The following CNIH3 variants were observed in gnomAD, a reference collection of about 807,000 sequenced individuals.
The protein encoded by CNIH3 is cornichon family AMPA receptor auxiliary protein 3.
In CNIH3, 14 loss-of-function variants were observed where a neutral mutation model predicts 24.1. That is an observed-to-expected ratio of 0.58 (90% CI 0.38 to 0.91). The LOEUF is 0.91. Among genes scored for constraint, CNIH3 ranks in the 40% least tolerant of loss-of-function variants. CNIH3 has a pLI of 0.00. For missense variants in CNIH3, 178 were observed against 196.8 expected, an observed-to-expected ratio of 0.90 and a Z score of 0.57; for synonymous variants, 68 against 73.8, an observed-to-expected ratio of 0.92 and a Z score of 0.40.
chr1:224,537,770 C>T (rs894537932), downstream of CNIH3, among the ~76,000 whole-genome samples: 59 of 152,144 alleles, frequency 3.9e-4, no homozygotes, highest in African/African-American at 1.4e-3. Flanking sequence ...ATTATAAGAA[C>T]AATAACAGCC....
intron 2 of CNIH3, among the ~76,000 whole-genome samples, chr1:224,522,262 C>T (rs1333440497): frequency 6.6e-6 from 1 of 152,104 alleles, no homozygotes; most frequent in East Asian, 1.9e-4. Flanking sequence ...CTTTTGGTAA[C>T]TGAGAGCCAG....
At chr1:224,685,561 C>A (rs1686616180) in intron 3 of CNIH3, among the ~76,000 whole-genome samples, 1 of 152,178 alleles carries the variant, frequency 6.6e-6, no homozygotes, top group Admixed American at 6.5e-5. Context: ...AAAGGACATC[C>A]CTAACCTCTG....
chr1:224,479,103 A>C (rs1267400833), intron 1 of CNIH3, among the ~76,000 whole-genome samples: 2 of 146,122 alleles, frequency 1.4e-5, no homozygotes, highest in Non-Finnish European at 3.0e-5. Context: ...ATGTTTTCAC[A>C]TTCCCAAACC....
intron 3 of CNIH3, among the ~76,000 whole-genome samples, chr1:224,690,767 G>A (rs538220088): frequency 1.3e-5 from 2 of 152,288 alleles, no homozygotes; most frequent in African/African-American, 4.8e-5. Context: ...GGAGGAGAAG[G>A]GTGTGTGGGT....
chr1:224,487,064 C>A (rs1309225814), intron 1 of CNIH3, among the ~76,000 whole-genome samples: 1 of 152,184 alleles, frequency 6.6e-6, no homozygotes, highest in East Asian at 1.9e-4. Context: ...AATCTAATTT[C>A]TGCTTATATC....
intron 1 of CNIH3, among the ~76,000 whole-genome samples, chr1:224,477,610 C>T (rs987585915): frequency 6.6e-6 from 1 of 152,150 alleles, no homozygotes; most frequent in East Asian, 1.9e-4. Context: ...TTTTATTATA[C>T]TGTCTATGTC....
At chr1:224,581,359 C>G (rs139749792) in intron 4 of CNIH3, among the ~76,000 whole-genome samples, 1 of 152,096 alleles carries the variant, frequency 6.6e-6, no homozygotes, top group Non-Finnish European at 1.5e-5. Flanking sequence ...GGGAAAAGAC[C>G]GGAAATCATT....
intron 1 of CNIH3, among the ~76,000 whole-genome samples, chr1:224,490,798 G>A (rs972298486): frequency 2.0e-5 from 3 of 152,162 alleles, no homozygotes; most frequent in East Asian, 1.9e-4. Context: ...AATGATTTGC[G>A]AATCGGGCAG....
exon 6 of CNIH3, chr1:224,588,616 A>C (rs76515854): frequency 6.6e-6 from 1 of 152,090 alleles, no homozygotes; most frequent in African/African-American, 2.4e-5. Flanking sequence ...AAAAAAAAAA[A>C]CAAGCATTTA....
chr1:224,735,237 A>G (rs1210102794), intron 5 of CNIH3, among the ~76,000 whole-genome samples: 1 of 152,170 alleles, frequency 6.6e-6, no homozygotes, highest in African/African-American at 2.4e-5. Flanking sequence ...CCAATATTAC[A>G]TAACACCATT....
At chr1:224,449,101 A>T (rs1363479168) in intron 1 of CNIH3, among the ~76,000 whole-genome samples, 1 of 151,192 alleles carries the variant, frequency 6.6e-6, no homozygotes, top group African/African-American at 2.4e-5. Context: ...AGTAGCTGGG[A>T]TTACAGGTGC....
intron 1 of CNIH3, among the ~76,000 whole-genome samples, chr1:224,628,957 C>G (rs1409223561): frequency 6.6e-6 from 1 of 151,724 alleles, no homozygotes; most frequent in Non-Finnish European, 1.5e-5. Context: ...CCTGCCACCC[C>G]CACTTTGAGT....
chr1:224,735,950 C>G (rs993896044), intron 5 of CNIH3, among the ~76,000 whole-genome samples: 1 of 151,706 alleles, frequency 6.6e-6, no homozygotes, highest in Non-Finnish European at 1.5e-5. Flanking sequence ...TAAAAATGAG[C>G]CAGGCTTTGT....
chr1:224,626,722 A>G (rs939339756), intron 1 of CNIH3, among the ~76,000 whole-genome samples: 2 of 152,174 alleles, frequency 1.3e-5, no homozygotes, highest in African/African-American at 2.4e-5. Context: ...CTATTACAAC[A>G]TAGCATTGAC....
At chr1:224,711,794 CAAAAAA>C (rs11437581) in intron 3 of CNIH3, among the ~76,000 whole-genome samples, 1 of 65,670 alleles carries the variant, frequency 1.5e-5, no homozygotes, top group Non-Finnish European at 2.8e-5. Context: ...GACCCTGTCT[CAAAAAA>C]AAAAAAAAAA....
At chr1:224,553,634 C>T (rs1680017970) in intron 3 of CNIH3, among the ~76,000 whole-genome samples, 1 of 152,124 alleles carries the variant, frequency 6.6e-6, no homozygotes, top group African/African-American at 2.4e-5. Context: ...AAAGTCTGCT[C>T]TGCTCCCCAG....
chr1:224,499,120 G>A (rs1285043835), intron 1 of CNIH3, among the ~76,000 whole-genome samples: 1 of 152,078 alleles, frequency 6.6e-6, no homozygotes, highest in Admixed American at 6.5e-5. Context: ...ATTGTTTTGG[G>A]GTTGTATCCT....
chr1:224,687,526 C>T (rs761518604), intron 3 of CNIH3, among the ~76,000 whole-genome samples: 12 of 152,192 alleles, frequency 7.9e-5, no homozygotes, highest in Non-Finnish European at 1.3e-4. Context: ...AGCCACCATG[C>T]CCAGCCCAGC....
chr1:224,542,817 A>C (rs1176315997), intron 2 of CNIH3, among the ~76,000 whole-genome samples: 1 of 152,154 alleles, frequency 6.6e-6, no homozygotes, highest in Non-Finnish European at 1.5e-5. Flanking sequence ...TCTTTCTAAA[A>C]TTTAACTCAG....
Sources: gnomAD v4.1 joint callset for allele counts (sites outside exome capture counted in the v4.1 genomes callset) on GRCh38, gnomAD v4.1.1 for gene constraint, MANE v1.5 for transcripts, NCBI Gene and HGNC (gene_info 2026-07-23, HGNC 2026-07-21) for gene names.